Variants in SIRPD observed in about 807,000 individuals in gnomAD.
SIRPD encodes signal-regulatory protein delta.
A neutral mutation model predicts 18.0 loss-of-function variants in SIRPD; 21 were observed. The ratio of observed to expected loss-of-function variants is 1.17; its 90% confidence interval spans 0.83 to 1.68. The LOEUF (loss-of-function observed/expected upper bound fraction) is 1.68. SIRPD is among the 40% of genes most tolerant of loss of function. SIRPD has a pLI of 0.00. For missense variants in SIRPD, 295 were observed against 238.4 expected, an observed-to-expected ratio of 1.24 and a Z score of -1.56; for synonymous variants, 106 against 92.9, an observed-to-expected ratio of 1.14 and a Z score of -0.81.
rs1267043174 is a variant in SIRPD at position 1,540,642 on chromosome 20, T to C, written c.422-3332A>G. On this transcript the variant is annotated intron_variant, in intron 2 of 3. Coordinates refer to ENST00000381623, the MANE Select transcript of SIRPD (RefSeq NM_178460.3). ...ATATACATGGAATTATTTAAAAAATTGATTTTTTAAATTATACTTTAAGTT... is the reference window on the plus strand; with the variant it reads ...ATATACATGGAATTATTTAAAAAATCGATTTTTTAAATTATACTTTAAGTT... Among the ~76,000 whole-genome samples the C allele has an allele frequency of 2.0e-5, 3 of 152,224 alleles. No individual in the cohort carries two copies. In the East Asian group the frequency reaches 5.8e-4, roughly 29 times the overall value.
chr20:1,534,936 A>G (rs2090939078), intron 3 of SIRPD, among the ~76,000 whole-genome samples: 1 of 152,246 alleles, frequency 6.6e-6, no homozygotes, highest in African/African-American at 2.4e-5. Context: ...CTTATTCAAA[A>G]GAAACAATCA....
intron 1 of SIRPD, among the ~76,000 whole-genome samples, chr20:1,552,724 T>C (rs540215878): frequency 6.6e-6 from 1 of 152,260 alleles, no homozygotes; most frequent in South Asian, 2.1e-4. Context: ...TGTCAGGTCC[T>C]GGTAATAATC....
chr20:1,551,915 T>C lies in SIRPD; in HGVS notation c.197A>G (p.Lys66Arg), dbSNP rs1319474539. Residue 66 changes from lysine to arginine, a missense_variant, in exon 2 of 4, where the codon AAG becomes AGG. Coordinates refer to ENST00000381623, the MANE Select transcript of SIRPD (RefSeq NM_178460.3). ...TAATTTCCGGTTTGGCCCTGTTCCC[T>C]TGAACCACAAGACAGGTCCATTTGG... Reference protein sequence around the residue: ...TLPNGPVLWFKGTGPNRKLIY... With the variant: ...TLPNGPVLWFRGTGPNRKLIY... The C allele has an allele frequency of 1.9e-6, 3 of 1,614,020 alleles. No individual in the cohort carries two copies. The South Asian group carries it at 3.3e-5, about 18-fold the overall frequency.
chr20:1,542,345 G>A (rs2090975851), intron 2 of SIRPD, among the ~76,000 whole-genome samples: 1 of 152,136 alleles, frequency 6.6e-6, no homozygotes, highest in South Asian at 2.1e-4. Context: ...CCTCAAAGAG[G>A]TCCTTCACAT....
At chr20:1,545,074 A>G (rs1279708805) in intron 2 of SIRPD, among the ~76,000 whole-genome samples, 1 of 152,092 alleles carries the variant, frequency 6.6e-6, no homozygotes, top group African/African-American at 2.4e-5. Context: ...ACCTTGGTGA[A>G]TCTGGCGATT....
chr20:1,547,201 G>T (rs2123136718), intron 2 of SIRPD, among the ~76,000 whole-genome samples: 1 of 152,244 alleles, frequency 6.6e-6, no homozygotes, highest in African/African-American at 2.4e-5. Context: ...GTGAAGTAGG[G>T]TTCAACTTCA....
At position 1,537,214 on chromosome 20, in the gene SIRPD, C is replaced by T; in HGVS notation, c.518G>A (p.Arg173Lys). 6.2e-7 allele frequency: 1 copy of T among 1,614,162 alleles called. No homozygotes were observed. Among genetic ancestry groups the T allele is most frequent in the Non-Finnish European group, 8.5e-7 (1 of 1,180,014 alleles). Residue 173 changes from arginine to lysine, a missense_variant, in exon 3 of 4, where the codon AGA becomes AAA. Coordinates refer to ENST00000381623, the MANE Select transcript of SIRPD (RefSeq NM_178460.3). ...AHTCLSALPERNSTNYFVQPC... is the reference protein window; with the variant it reads ...AHTCLSALPEKNSTNYFVQPC... ...TTGGACGAAATAGTTTGTGCTGTTT[C>T]TCTCAGGCAGGGCCGAGAGGCAGGT...
At chr20:1,548,674 T>G (rs929977894) in intron 2 of SIRPD, among the ~76,000 whole-genome samples, 1 of 152,174 alleles carries the variant, frequency 6.6e-6, no homozygotes, top group Non-Finnish European at 1.5e-5. Context: ...CCATTATTTT[T>G]GGGCCAGTTT....
At chr20:1,544,204 G>A (rs1022540214) in intron 2 of SIRPD, among the ~76,000 whole-genome samples, 4 of 152,202 alleles carry the variant, frequency 2.6e-5, no homozygotes, top group South Asian at 4.1e-4. Context: ...AATATTGACA[G>A]TGGGATATTA....
At chr20:1,553,134 A>T (rs946112783) in intron 1 of SIRPD, among the ~76,000 whole-genome samples, 2 of 152,148 alleles carry the variant, frequency 1.3e-5, no homozygotes, top group African/African-American at 2.4e-5. Flanking sequence ...GAATGACTCA[A>T]CCCCTATGGG....
At chr20:1,556,386 T>C (rs996793131) in intron 1 of SIRPD, among the ~76,000 whole-genome samples, 3 of 152,250 alleles carry the variant, frequency 2.0e-5, no homozygotes, top group African/African-American at 7.2e-5. Context: ...ATAGTTACCC[T>C]TCCTATGTAT....
At chr20:1,543,909 T>C (rs959628825) in intron 2 of SIRPD, among the ~76,000 whole-genome samples, 3 of 152,234 alleles carry the variant, frequency 2.0e-5, no homozygotes, top group African/African-American at 7.2e-5. Flanking sequence ...TCAGTTTCCA[T>C]GTAGATGTGC....
Position 1,537,141 on chromosome 20 carries a change from G to A in SIRPD, c.577+14C>T. 6.2e-7 allele frequency: 1 copy of A among 1,612,688 alleles called. No homozygotes were observed. The highest frequency in any genetic ancestry group is 8.5e-7 in the Non-Finnish European group (1 of 1,179,084). On this transcript the variant is annotated intron_variant, in intron 3 of 3. Transcript: ENST00000381623. Reference sequence around the variant, plus strand: ...CATCCCTGCATCATGGTACCTGAGGGTGGGGGCACTCACCTGTGAGTCCCA... The same window carrying A: ...CATCCCTGCATCATGGTACCTGAGGATGGGGGCACTCACCTGTGAGTCCCA...
Position 1,551,722 on chromosome 20 carries a change from T to C in SIRPD, c.390A>G (p.Gln130=), listed in dbSNP as rs540415530. Residue 130 remains glutamine (Q), a synonymous_variant, in exon 2 of 4, where the codon CAA becomes CAG. Transcript: ENST00000381623. ...FIKGRAIKEY[Q]SGRGTQVFVT... The stretch of plus-strand genomic sequence containing the variant: ...CAAACACCTGAGTGCCCCGACCTGA[T>C]TGGTACTCCTTGATAGCTCTTCCTT... 14 of 1,613,892 alleles carry C rather than the reference T, an allele frequency of 8.7e-6. No individual in the cohort carries two copies. Among genetic ancestry groups the C allele is most frequent in the Non-Finnish European group, 1.2e-5 (14 of 1,179,874 alleles).
At chr20:1,537,432 A>G in intron 2 of SIRPD, 122 bp from the exon 3 acceptor site, 2 of 1,175,168 alleles carry the variant, frequency 1.7e-6, no homozygotes, top group Non-Finnish European at 2.4e-6. Flanking sequence ...ATCAGACACA[A>G]GCTAATAAGT....
chr20:1,550,574 C>G (rs969793274), intron 2 of SIRPD, among the ~76,000 whole-genome samples: 5 of 152,172 alleles, frequency 3.3e-5, no homozygotes, highest in African/African-American at 1.2e-4. Flanking sequence ...TCCAAAAGTT[C>G]TGCCTTGAAT....
At chr20:1,543,874 C>G (rs548306968) in intron 2 of SIRPD, among the ~76,000 whole-genome samples, 1 of 152,268 alleles carries the variant, frequency 6.6e-6, no homozygotes, top group South Asian at 2.1e-4. Context: ...ATTATTTACC[C>G]AGTAGTCATT....
intron 2 of SIRPD, chr20:1,540,301 G>T (rs1322586819): frequency 2.2e-6 from 1 of 456,064 alleles, no homozygotes; most frequent in East Asian, 6.9e-5. Flanking sequence ...CAGAGATGCA[G>T]ATTTCAGACT....
chr20:1,537,251 G>T lies in SIRPD; in HGVS notation c.481C>A (p.His161Asn). Reference sequence around the variant, plus strand: ...GCCGAGAGGCAGGTATGGGCATCATGGTGGGCCCTGGAGCCTGCTCTGCCT... The same window carrying T: ...GCCGAGAGGCAGGTATGGGCATCATTGTGGGCCCTGGAGCCTGCTCTGCCT... Reference protein sequence around the residue: ...PAGRAGSRAHHDAHTCLSALP... With the variant: ...PAGRAGSRAHNDAHTCLSALP... The change falls in exon 3 of 4, where the codon CAT becomes AAT. Residue 161 changes from histidine (H) to asparagine (N), a missense_variant. Transcript: ENST00000381623. 1 of 1,614,140 alleles carries T rather than the reference G, an allele frequency of 6.2e-7. No individual in the cohort carries two copies. The highest frequency in any genetic ancestry group is 8.5e-7 in the Non-Finnish European group (1 of 1,180,008).
Sources: allele counts gnomAD v4.1 joint callset (sites outside exome capture counted in the v4.1 genomes callset), GRCh38; gene constraint gnomAD v4.1.1; transcripts MANE v1.5; gene names NCBI Gene and HGNC (gene_info 2026-07-23, HGNC 2026-07-21).